Variants in SLC35F4 observed in about 807,000 individuals in gnomAD.
The protein encoded by SLC35F4 is chromosome 14 open reading frame 36.
In SLC35F4, 24 loss-of-function variants were observed where a neutral mutation model predicts 44.2. The ratio of observed to expected loss-of-function variants is 0.54; its 90% CI spans 0.39 to 0.76. The LOEUF (loss-of-function observed/expected upper bound fraction) is 0.76. Among genes scored for constraint, SLC35F4 ranks in the 30% least tolerant of loss-of-function variants. The pLI is 0.00. For synonymous variants in SLC35F4, 238 were observed against 223.6 expected, an observed-to-expected ratio of 1.06 and a Z score of -0.57; for missense variants, 562 against 586.1, an observed-to-expected ratio of 0.96 and a Z score of 0.42.
At chr14:57,778,250 C>T (rs892589352) in intron 1 of SLC35F4, among the ~76,000 whole-genome samples, 3 of 152,158 alleles carry the variant, frequency 2.0e-5, no homozygotes, top group Non-Finnish European at 4.4e-5. Flanking sequence ...CCCAACTAAA[C>T]CTCTTTCTTT....
chr14:57,729,895 G>A (rs1331312351), intron 1 of SLC35F4, among the ~76,000 whole-genome samples: 1 of 152,160 alleles, frequency 6.6e-6, no homozygotes, highest in Non-Finnish European at 1.5e-5. Flanking sequence ...TACTGAAACG[G>A]GTGATTCTCC....
chr14:57,831,935 T>C (rs144399116), intron 1 of SLC35F4, among the ~76,000 whole-genome samples: 57 of 152,354 alleles, frequency 3.7e-4, no homozygotes, highest in Middle Eastern at 3.4e-3. Context: ...TATCCGTGTC[T>C]TCACAAGTCA....
At chr14:57,819,587 C>T (rs1882948779) in intron 1 of SLC35F4, among the ~76,000 whole-genome samples, 1 of 151,060 alleles carries the variant, frequency 6.6e-6, no homozygotes, top group Non-Finnish European at 1.5e-5. Flanking sequence ...AGGCAGATCA[C>T]AAGGTCGGGA....
intron 1 of SLC35F4, among the ~76,000 whole-genome samples, chr14:57,845,406 G>A (rs958467831): frequency 6.6e-5 from 10 of 152,120 alleles, no homozygotes; most frequent in Non-Finnish European, 1.2e-4. Context: ...CTATTGCTTC[G>A]GCAAGGGTAA....
chr14:57,665,104 T>C (rs1453635308), intron 1 of SLC35F4, among the ~76,000 whole-genome samples: 2 of 151,966 alleles, frequency 1.3e-5, no homozygotes, highest in East Asian at 3.9e-4. Flanking sequence ...CCACTCCTCA[T>C]ATTTTCAAAC....
At chr14:57,812,741 C>T (rs1461403216) in intron 1 of SLC35F4, among the ~76,000 whole-genome samples, 4 of 152,136 alleles carry the variant, frequency 2.6e-5, no homozygotes, top group African/African-American at 9.7e-5. Context: ...CTTCCTGAGA[C>T]TTAAACTAGA....
chr14:57,742,039 C>A (rs1261830253), intron 1 of SLC35F4, among the ~76,000 whole-genome samples: 1 of 152,108 alleles, frequency 6.6e-6, no homozygotes, highest in Non-Finnish European at 1.5e-5. Flanking sequence ...ATTTTGTCAC[C>A]ACCAGGCCTG....
At chr14:57,632,777 C>T (rs557341351) in intron 1 of SLC35F4, among the ~76,000 whole-genome samples, 2 of 152,026 alleles carry the variant, frequency 1.3e-5, no homozygotes, top group African/African-American at 2.4e-5. Context: ...CTCACTGCAA[C>T]GTCCAACTAT....
At chr14:57,789,663 T>C (rs1056810903) in intron 1 of SLC35F4, among the ~76,000 whole-genome samples, 5 of 152,230 alleles carry the variant, frequency 3.3e-5, no homozygotes, top group African/African-American at 1.2e-4. Context: ...AGAATCATCC[T>C]GATATCAAAA....
chr14:57,746,142 G>C (rs1440416143), intron 1 of SLC35F4, among the ~76,000 whole-genome samples: 1 of 152,020 alleles, frequency 6.6e-6, no homozygotes, highest in Non-Finnish European at 1.5e-5. Flanking sequence ...TAAATGATGA[G>C]TTAATGGGTG....
At chr14:57,843,292 C>T (rs1264371587) in intron 1 of SLC35F4, among the ~76,000 whole-genome samples, 1 of 152,074 alleles carries the variant, frequency 6.6e-6, no homozygotes, top group Admixed American at 6.6e-5. Context: ...CCTCTAATTG[C>T]CCTGTTTGAG....
At chr14:57,798,707 A>C (rs1393211315) in intron 1 of SLC35F4, among the ~76,000 whole-genome samples, 2 of 152,202 alleles carry the variant, frequency 1.3e-5, no homozygotes, top group Admixed American at 6.5e-5. Flanking sequence ...AAATGTGCAC[A>C]TATCTGTTCT....
intron 1 of SLC35F4, among the ~76,000 whole-genome samples, chr14:57,969,492 T>C (rs540380990): frequency 6.6e-6 from 1 of 152,358 alleles, no homozygotes; most frequent in South Asian, 2.1e-4. Context: ...TGTACCTACA[T>C]TCCTAATATA....
chr14:57,670,019 G>T (rs902198925), intron 1 of SLC35F4, among the ~76,000 whole-genome samples: 1 of 152,074 alleles, frequency 6.6e-6, no homozygotes, highest in Non-Finnish European at 1.5e-5. Flanking sequence ...CCTGTTATTG[G>T]TCTATTCAGA....
At chr14:57,622,715 T>C (rs1293522391) in intron 1 of SLC35F4, among the ~76,000 whole-genome samples, 1 of 152,106 alleles carries the variant, frequency 6.6e-6, no homozygotes, top group Non-Finnish European at 1.5e-5. Flanking sequence ...ATATACCTAA[T>C]GCTAGATGAC....
At position 57,614,358 on chromosome 14, in the gene SLC35F4, G is replaced by T. The variant is rs566770649; in HGVS notation, c.104-20234C>A. 7.7e-4 allele frequency among the ~76,000 whole-genome samples: 118 copies of T among 152,300 alleles called. 1 individual carries two copies. In the Middle Eastern group the frequency reaches 0.014, roughly 18 times the overall value. On this transcript the variant is annotated intron_variant, in intron 1 of 7. Coordinates refer to ENST00000556826, the MANE Select transcript of SLC35F4 (RefSeq NM_001306087.2). The stretch of plus-strand genomic sequence containing the variant: ...TTCTGTGTATTTCCAAAAACTCTCA[G>T]TGTTGGTGCCCTGGATATTTATTCT...
At chr14:57,755,411 C>T (rs2076973257) in intron 1 of SLC35F4, among the ~76,000 whole-genome samples, 1 of 152,094 alleles carries the variant, frequency 6.6e-6, no homozygotes, top group African/African-American at 2.4e-5. Flanking sequence ...ATCTAAAAGG[C>T]CTATTTTAAA....
At chr14:57,764,256 T>G (rs1237257926) in intron 1 of SLC35F4, among the ~76,000 whole-genome samples, 3 of 152,150 alleles carry the variant, frequency 2.0e-5, no homozygotes, top group Non-Finnish European at 4.4e-5. Flanking sequence ...GATGATTTGT[T>G]ATGTAGCAAT....
intron 1 of SLC35F4, among the ~76,000 whole-genome samples, chr14:57,777,252 T>C (rs530369311): frequency 6.6e-5 from 10 of 152,196 alleles, no homozygotes; most frequent in Non-Finnish European, 2.9e-5. Context: ...AGAAATACCA[T>C]TTGACCCAGC....
Sources: allele counts gnomAD v4.1 joint callset (sites outside exome capture counted in the v4.1 genomes callset), GRCh38; gene constraint gnomAD v4.1.1; transcripts MANE v1.5; gene names NCBI Gene and HGNC (gene_info 2026-07-23, HGNC 2026-07-21).